Variants in AFF2 observed in about 807,000 individuals in gnomAD.
The protein encoded by AFF2 is AF4/FMR2 family member 2.
A neutral mutation model predicts 76.9 loss-of-function variants in AFF2; 14 were observed. The ratio of observed to expected loss-of-function variants is 0.18; its 90% CI spans 0.12 to 0.28. The LOEUF (loss-of-function observed/expected upper bound fraction) is 0.28, where lower values mean the gene tolerates loss of function less well. Among genes scored for constraint, AFF2 ranks in the 10% least tolerant of loss-of-function variants. AFF2 has a pLI of 1.00. For synonymous variants in AFF2, 398 were observed against 366.7 expected, an observed-to-expected ratio of 1.09 and a Z score of -0.98; for missense variants, 868 against 1,001.1, an observed-to-expected ratio of 0.87 and a Z score of 1.79.
At chrX:148,719,122 G>A in intron 3 of AFF2, 1 of 1,129,872 alleles carries the variant, frequency 8.9e-7, no homozygotes, top group South Asian at 2.0e-5. Flanking sequence ...GAGGAAGGTT[G>A]CAGTGGCCCA....
chrX:148,978,705 C>A (rs1451292574), intron 18 of AFF2, among the ~76,000 whole-genome samples: 3 of 111,779 alleles, frequency 2.7e-5, no homozygotes, highest in Non-Finnish European at 3.8e-5. Flanking sequence ...TTGGCAGTCT[C>A]CTGGTTGCAG....
In AFF2 at chrX:148,997,921, G is replaced by A. The variant is rs1365292843; in HGVS notation, c.*6589G>A. ...TGTCAAATACTTAATTTTCTTCCTG[G>A]ATGATTCTACTTACTGGATATTTTA... On this transcript the variant is annotated 3_prime_UTR_variant, in exon 21 of 21. Coordinates refer to ENST00000370460, the MANE Select transcript of AFF2 (RefSeq NM_002025.4). 1 of 112,239 alleles carries A rather than the reference G, an allele frequency of 8.9e-6. No individual in the cohort carries two copies. Among genetic ancestry groups the A allele is most frequent in the Non-Finnish European group, 1.9e-5 (1 of 53,254 alleles). 9.2% of individuals were successfully genotyped at this position (112,239 alleles called of 1,213,427 possible).
At chrX:148,885,863 C>G (rs782734184) in intron 7 of AFF2, 26 bp from the exon 8 acceptor site, 1 of 1,164,636 alleles carries the variant, frequency 8.6e-7, no homozygotes, top group African/African-American at 1.8e-5. Flanking sequence ...CCTTCTAACT[C>G]AAACACCACT....
chrX:148,842,632 A>C (rs1169840937), intron 5 of AFF2, among the ~76,000 whole-genome samples: 3 of 112,223 alleles, frequency 2.7e-5, no homozygotes, highest in African/African-American at 9.7e-5. Flanking sequence ...GAAATTATAC[A>C]CTTCAATTTC....
chrX:148,816,933 C>CAAA lies in AFF2; in HGVS notation c.1086+7024_1086+7026dup, dbSNP rs143691805. Among the ~76,000 whole-genome samples the CAAA allele has an allele frequency of 1.3e-3, 114 of 84,449 alleles. 1 individual carries two copies. Among genetic ancestry groups the CAAA allele is most frequent in the African/African-American group, 4.3e-3 (98 of 22,740 alleles). The allele number at this position is 84,449 out of a possible 115,157, so 73.3% of individuals were successfully genotyped here. On this transcript the variant is annotated intron_variant, in intron 4 of 20. Coordinates refer to ENST00000370460, the MANE Select transcript of AFF2 (RefSeq NM_002025.4). ...AAAAAGAATCACCACAAGATCTATG[C>CAAA]AAAAAAAAAAAAATACACAAAAAAG...
chrX:148,882,494 G>C (rs782492444), intron 7 of AFF2, among the ~76,000 whole-genome samples: 1 of 111,818 alleles, frequency 8.9e-6, no homozygotes, highest in East Asian at 2.8e-4. Context: ...TCACTAAGGA[G>C]GTCTAATTGG....
At chrX:148,502,082 C>T (rs1333101178) in intron 1 of AFF2, among the ~76,000 whole-genome samples, 1 of 112,118 alleles carries the variant, frequency 8.9e-6, no homozygotes, top group Admixed American at 9.4e-5. Flanking sequence ...AAAAACTTCA[C>T]CTACTACAAA....
At chrX:148,692,149 A>C (rs2054660311) in intron 3 of AFF2, among the ~76,000 whole-genome samples, 1 of 111,576 alleles carries the variant, frequency 9.0e-6, no homozygotes, top group African/African-American at 3.3e-5. Context: ...TTTTCTAAAA[A>C]AAGGAAAAAA....
At chrX:148,906,498 A>G (rs1214196868) in intron 9 of AFF2, among the ~76,000 whole-genome samples, 3 of 112,052 alleles carry the variant, frequency 2.7e-5, no homozygotes, top group Non-Finnish European at 5.6e-5. Context: ...AACTCAGCTC[A>G]CACCCGACCA....
intron 1 of AFF2, among the ~76,000 whole-genome samples, chrX:148,597,851 G>A (rs1233556225): frequency 1.8e-5 from 2 of 112,106 alleles, no homozygotes; most frequent in African/African-American, 3.2e-5. Context: ...CAAACTCTTC[G>A]TTTTACACGG....
intron 19 of AFF2, among the ~76,000 whole-genome samples, chrX:148,983,965 A>AAAAAAAAAAAAACAAAAAAAC (rs1438744109): frequency 1.0e-5 from 1 of 99,779 alleles, no homozygotes; most frequent in African/African-American, 3.9e-5. Flanking sequence ...AAAAAAAAAA[A>AAAAAAAAAAAAACAAAAAAAC]AAACTGCCCT....
intron 4 of AFF2, among the ~76,000 whole-genome samples, chrX:148,828,011 T>G (rs2070408869): frequency 1.2e-5 from 1 of 81,182 alleles, no homozygotes; most frequent in African/African-American, 3.5e-5. Flanking sequence ...CATTCCATCT[T>G]TTGAAGTGAC....
intron 3 of AFF2, among the ~76,000 whole-genome samples, chrX:148,806,911 G>C (rs2124638134): frequency 8.9e-6 from 1 of 112,576 alleles, no homozygotes; most frequent in Admixed American, 9.4e-5. Flanking sequence ...GGAAGGAAAA[G>C]CACTTGCGGT....
At chrX:148,809,612 GC>G (rs1323449723) in intron 3 of AFF2, among the ~76,000 whole-genome samples, 1 of 112,192 alleles carries the variant, frequency 8.9e-6, no homozygotes, top group South Asian at 3.7e-4. Context: ...GCAAAGAGAA[GC>G]CCCAGGGGAT....
At chrX:148,588,044 T>A (rs906311795) in intron 1 of AFF2, among the ~76,000 whole-genome samples, 1 of 112,286 alleles carries the variant, frequency 8.9e-6, no homozygotes, top group African/African-American at 3.2e-5. Context: ...TCATTAGTCT[T>A]GGTCCCTTCA....
chrX:148,523,493 C>T (rs2052622718), intron 1 of AFF2, among the ~76,000 whole-genome samples: 1 of 111,783 alleles, frequency 8.9e-6, no homozygotes, highest in Non-Finnish European at 1.9e-5. Context: ...GGACAGATGG[C>T]CGAGTAATTT....
At position 148,662,419 on chromosome X, in the gene AFF2, A is replaced by G; in HGVS notation, c.692A>G (p.Lys231Arg). Residue 231 changes from lysine to arginine, a missense_variant, in exon 3 of 21, where the codon AAA (lysine) becomes AGA (arginine). This residue lies in a region of AFF2 where 196 missense variants were observed against 194.8 expected (regional missense o/e 1.01). Transcript: ENST00000370460. ...NPNSSGEDAF[K>R]EIFQSNSPEE... ...AATTCTAGTGGAGAAGATGCTTTCA[A>G]AGAAATCTTTCAATCCAATTCACCG... 8.3e-7 allele frequency: 1 copy of G among 1,212,040 alleles called. No individual in the cohort carries two copies. The highest frequency in any genetic ancestry group is 1.1e-6 in the Non-Finnish European group (1 of 895,562).
intron 1 of AFF2, among the ~76,000 whole-genome samples, chrX:148,531,074 T>C (rs947283221): frequency 1.8e-5 from 2 of 112,248 alleles, no homozygotes; most frequent in Non-Finnish European, 3.8e-5. Flanking sequence ...AAATGGACTT[T>C]ATTAAAATAT....
chrX:148,809,496 G>A (rs1162386735), intron 3 of AFF2, among the ~76,000 whole-genome samples: 1 of 112,224 alleles, frequency 8.9e-6, no homozygotes, highest in African/African-American at 3.2e-5. Flanking sequence ...AATCACAAAA[G>A]TGTTTCGTAT....
Sources: allele counts gnomAD v4.1 joint callset (sites outside exome capture counted in the v4.1 genomes callset), GRCh38; gene constraint gnomAD v4.1.1; regional missense constraint gnomAD v4.1.1; transcripts MANE v1.5; gene names NCBI Gene and HGNC (gene_info 2026-07-23, HGNC 2026-07-21).